The following RWDD1 variants were observed in gnomAD, a reference collection of about 807,000 sequenced individuals.
RWDD1 encodes RWD domain-containing protein 1.
RWDD1 carries 17 observed loss-of-function variants against 31.6 expected under a neutral mutation model. That is an observed-to-expected ratio of 0.54 (90% CI 0.37 to 0.81). The LOEUF (loss-of-function observed/expected upper bound fraction) is 0.81, where lower values mean the gene tolerates loss of function less well. RWDD1 is among the 30% of genes least tolerant of loss of function. RWDD1 has a pLI of 0.00. For synonymous variants in RWDD1, 78 were observed against 94.2 expected (o/e 0.83, Z 0.99); for missense variants, 204 against 274.5 (o/e 0.74, Z 1.82).
At chr6:116,591,544 T>C (rs1036943936) in intron 6 of RWDD1, among the ~76,000 whole-genome samples, 2 of 152,240 alleles carry the variant, frequency 1.3e-5, no homozygotes, top group Non-Finnish European at 2.9e-5. Flanking sequence ...GAGCATCTAG[T>C]CCCTTGTGCT....
intron 3 of RWDD1, among the ~76,000 whole-genome samples, chr6:116,587,451 C>T (rs546457733): frequency 6.6e-6 from 1 of 152,230 alleles, no homozygotes; most frequent in South Asian, 2.1e-4. Flanking sequence ...AGTCACACAA[C>T]ATTTATTGAA....
chr6:116,593,111 C>A lies in RWDD1; in HGVS notation c.*10C>A, dbSNP rs1200218443. The A allele has an allele frequency of 6.2e-7, 1 of 1,608,976 alleles. No individual in the cohort carries two copies. Among genetic ancestry groups the A allele is most frequent in the Non-Finnish European group, 8.5e-7 (1 of 1,178,070 alleles). ...TGACTCAGCTGACTAATGGACTGTC[C>A]CCATCTGCAGAGAGGCTTGACTGCC... On this transcript the variant is annotated 3_prime_UTR_variant, in exon 7 of 7. Coordinates refer to ENST00000466444, the MANE Select transcript of RWDD1 (RefSeq NM_015952.4).
intron 2 of RWDD1, among the ~76,000 whole-genome samples, chr6:116,584,451 C>T (rs903553913): frequency 1.3e-5 from 2 of 152,158 alleles, no homozygotes; most frequent in Non-Finnish European, 2.9e-5. Context: ...TAAAAAGTGA[C>T]GTTTATCCAC....
rs556415398 is a variant in RWDD1, at chr6:116,582,967, T to A, written c.140-1760T>A. 5.4e-3 allele frequency among the ~76,000 whole-genome samples: 771 copies of A among 143,224 alleles called. 4 individuals are homozygous for A. The highest frequency in any genetic ancestry group is 0.019 in the African/African-American group (741 of 38,044). The allele number at this position is 143,224 out of a possible 152,430, so 94.0% of individuals were successfully genotyped here. A position where few individuals can be genotyped will look rare whatever the true frequency, so the allele number is the denominator to read the frequency against. On this transcript the variant is annotated intron_variant, in intron 2 of 6. Coordinates refer to ENST00000466444, the MANE Select transcript of RWDD1 (RefSeq NM_015952.4). Reference sequence around the variant, plus strand: ...TTTCCATTTTCTTTTTTTTTTTTTTTAATTTTTAAAATTTTAAATATTTTT... The same window carrying A: ...TTTCCATTTTCTTTTTTTTTTTTTTAAATTTTTAAAATTTTAAATATTTTT...
chr6:116,592,831 C>A, intron 6 of RWDD1, 149 bp from the exon 7 acceptor site: 5 of 738,274 alleles, frequency 6.8e-6, no homozygotes, highest in Non-Finnish European at 8.4e-6. Context: ...ATGCAAATCA[C>A]TGTTGATAAC....
rs187263592 is a variant in RWDD1 at position 116,591,534 on chromosome 6, G to C, written c.610+584G>C. 3.9e-5 allele frequency among the ~76,000 whole-genome samples: 6 copies of C among 152,270 alleles called. No homozygotes were observed. In the East Asian group the frequency reaches 1.2e-3, roughly 29 times the overall value. ...TTTCATATGACTCTTGCTGTATTTG[G>C]AGCATCTAGTCCCTTGTGCTTTTCT... On this transcript the variant is annotated intron_variant, in intron 6 of 6. Transcript: ENST00000466444.
At chr6:116,589,537 C>T (rs1775101965) in intron 4 of RWDD1, among the ~76,000 whole-genome samples, 2 of 152,000 alleles carry the variant, frequency 1.3e-5, no homozygotes, top group African/African-American at 2.4e-5. Context: ...TAAAGAAAAC[C>T]TCATATTTTG....
At chr6:116,577,556 T>G (rs890912578) in intron 1 of RWDD1, among the ~76,000 whole-genome samples, 1 of 138,744 alleles carries the variant, frequency 7.2e-6, no homozygotes, top group Admixed American at 7.3e-5. Context: ...TTAAAATATA[T>G]CATGTCTGAT....
rs565528529 is a variant in RWDD1 at position 116,577,493 on chromosome 6, G to A, written c.74-2802G>A. Among the ~76,000 whole-genome samples, 103 of 151,382 alleles carry A rather than the reference G, an allele frequency of 6.8e-4. 1 individual carries two copies. The highest frequency in any genetic ancestry group is 2.4e-3 in the African/African-American group (98 of 41,318). Reference sequence around the variant, plus strand: ...AGCCCAGCTCTCTTTGCCACCATTCGCCCATTTCTGATTGCATGTTCAACA... The same window carrying A: ...AGCCCAGCTCTCTTTGCCACCATTCACCCATTTCTGATTGCATGTTCAACA... On this transcript the variant is annotated intron_variant, in intron 1 of 6. Transcript: ENST00000466444.
chr6:116,581,152 A>G (rs1169552959), intron 2 of RWDD1, among the ~76,000 whole-genome samples: 3 of 152,228 alleles, frequency 2.0e-5, no homozygotes, highest in South Asian at 2.1e-4. Flanking sequence ...TATTGAATAC[A>G]TTTATTTACT....
At chr6:116,589,520 C>T (rs114457202) in intron 4 of RWDD1, among the ~76,000 whole-genome samples, 1 of 152,026 alleles carries the variant, frequency 6.6e-6, no homozygotes, top group South Asian at 2.1e-4. Context: ...TAAATAGTTA[C>T]TACATGTAAA....
intron 6 of RWDD1, among the ~76,000 whole-genome samples, chr6:116,592,052 T>C (rs1463597399): frequency 5.3e-5 from 8 of 152,222 alleles, no homozygotes; most frequent in Non-Finnish European, 1.0e-4. Context: ...ACCTATTCTA[T>C]AGTCACTCCC....
At chr6:116,572,961 G>A in intron 1 of RWDD1, 1 of 985,546 alleles carries the variant, frequency 1.0e-6, no homozygotes, top group Non-Finnish European at 1.2e-6. Context: ...TGAGTGAAGA[G>A]GGGTTTGAGA....
chr6:116,590,430 C>A (rs1317905574), intron 5 of RWDD1, 26 bp downstream of exon 5: 4 of 1,553,260 alleles, frequency 2.6e-6, no homozygotes, highest in African/African-American at 1.4e-5. Flanking sequence ...CATTCCTGTT[C>A]TTCCTAAACC....
chr6:116,587,094 A>G (rs559190259), intron 3 of RWDD1, among the ~76,000 whole-genome samples: 1 of 152,238 alleles, frequency 6.6e-6, no homozygotes, highest in Admixed American at 6.5e-5. Context: ...TCCTACTTTT[A>G]TTGGATATGA....
intron 3 of RWDD1, among the ~76,000 whole-genome samples, chr6:116,588,175 A>G (rs1443134224): frequency 1.3e-5 from 2 of 152,110 alleles, no homozygotes; most frequent in African/African-American, 4.8e-5. Context: ...GTCCCAGGAG[A>G]TGCAATACCT....
chr6:116,587,256 T>A (rs1457084830), intron 3 of RWDD1, among the ~76,000 whole-genome samples: 1 of 152,132 alleles, frequency 6.6e-6, no homozygotes, highest in Non-Finnish European at 1.5e-5. Flanking sequence ...CAGAATCTTA[T>A]GAAATATAAG....
intron 6 of RWDD1, among the ~76,000 whole-genome samples, chr6:116,592,185 C>T (rs903772044): frequency 1.4e-5 from 2 of 147,868 alleles, no homozygotes; most frequent in Non-Finnish European, 3.0e-5. Flanking sequence ...ATCTGGCCCT[C>T]ATCTACGTTA....
chr6:116,577,548 A>G (rs1311627094), intron 1 of RWDD1, among the ~76,000 whole-genome samples: 1 of 125,274 alleles, frequency 8.0e-6, no homozygotes, highest in East Asian at 2.7e-4. Flanking sequence ...AAGTGTCCTT[A>G]AAATATATCA....
Sources: gnomAD v4.1 joint callset for allele counts (sites outside exome capture counted in the v4.1 genomes callset) on GRCh38, gnomAD v4.1.1 for gene constraint, MANE v1.5 for transcripts, NCBI Gene and HGNC (gene_info 2026-07-23, HGNC 2026-07-21) for gene names.